Variants in KIAA0825 observed in about 807,000 individuals in gnomAD.
The protein encoded by KIAA0825 is KIAA0825.
In KIAA0825, 119 loss-of-function variants were observed where a neutral mutation model predicts 147.6. The observed-to-expected ratio is 0.81, with a 90% confidence interval of 0.69 to 0.94. The LOEUF (loss-of-function observed/expected upper bound fraction) is 0.94. KIAA0825 is among the 40% of genes least tolerant of loss of function. The pLI, the probability that KIAA0825 is intolerant of heterozygous loss-of-function variation, is 0.00. For missense variants in KIAA0825, 1,381 were observed against 1,472.7 expected (o/e 0.94, Z 1.02); for synonymous variants, 470 against 518.1 (o/e 0.91, Z 1.26).
chr5:94,488,904 C>T (rs560549207), intron 5 of KIAA0825, among the ~76,000 whole-genome samples: 7 of 152,156 alleles, frequency 4.6e-5, no homozygotes, highest in South Asian at 2.1e-4. Flanking sequence ...GTTTCTCAAA[C>T]GTTTTCGAGC....
chr5:94,475,800 C>G (rs567917183), intron 7 of KIAA0825, among the ~76,000 whole-genome samples: 1 of 152,090 alleles, frequency 6.6e-6, no homozygotes, highest in South Asian at 2.1e-4. Flanking sequence ...CAGAGTGATA[C>G]TATGTCTCAA....
chr5:94,579,320 AG>A (rs1206716548), intron 2 of KIAA0825, among the ~76,000 whole-genome samples: 2 of 152,236 alleles, frequency 1.3e-5, no homozygotes, highest in Non-Finnish European at 2.9e-5. Context: ...AGAACATTAA[AG>A]GGTTGTTACC....
At position 94,527,734 on chromosome 5, in the gene KIAA0825, G is replaced by A. The variant is rs979312213; in HGVS notation, c.132-3636C>T. ...TTCTGTTACATTTCTGTTCATTTCC[G>A]TGCTTTTTGTGTTCGAAAGGACAAA... On this transcript the variant is annotated intron_variant, in intron 3 of 20. Transcript: ENST00000682413. Among the ~76,000 whole-genome samples the A allele has an allele frequency of 5.3e-5, 8 of 151,794 alleles. No homozygotes were observed. The East Asian group carries it at 5.8e-4, about 11-fold the overall frequency.
At chr5:94,588,703 A>G (rs1783783321) in intron 1 of KIAA0825, among the ~76,000 whole-genome samples, 1 of 152,192 alleles carries the variant, frequency 6.6e-6, no homozygotes, top group Admixed American at 6.5e-5. Context: ...TACCCAAAGG[A>G]TTATAAATCA....
intron 5 of KIAA0825, among the ~76,000 whole-genome samples, chr5:94,515,687 G>A (rs1767114033): frequency 2.6e-5 from 4 of 151,650 alleles, no homozygotes. Flanking sequence ...AGCTACTTGG[G>A]AGACTGAGGC....
At chr5:94,494,343 G>A (rs892648414) in intron 5 of KIAA0825, among the ~76,000 whole-genome samples, 2 of 105,960 alleles carry the variant, frequency 1.9e-5, no homozygotes, top group African/African-American at 8.1e-5. Context: ...TTTTTTGACT[G>A]AGAACATGAG....
intron 16 of KIAA0825, among the ~76,000 whole-genome samples, chr5:94,399,952 T>C (rs1476881913): frequency 1.3e-5 from 2 of 152,110 alleles, no homozygotes; most frequent in Non-Finnish European, 2.9e-5. Context: ...TATTATTTTT[T>C]AAATCTGAGC....
At chr5:94,604,201 CA>C (rs1170797462) in intron 1 of KIAA0825, among the ~76,000 whole-genome samples, 2 of 151,626 alleles carry the variant, frequency 1.3e-5, no homozygotes, top group Admixed American at 1.3e-4. Context: ...TCAGTGAATG[CA>C]AAAAAAATTG....
intron 20 of KIAA0825, among the ~76,000 whole-genome samples, chr5:94,319,162 A>G (rs1779932526): frequency 6.6e-6 from 1 of 151,816 alleles, no homozygotes; most frequent in Admixed American, 6.6e-5. Context: ...CTCAAAGGAG[A>G]CAAATAGTGT....
intron 20 of KIAA0825, among the ~76,000 whole-genome samples, chr5:94,180,445 G>A (rs1262518846): frequency 6.6e-6 from 1 of 152,068 alleles, no homozygotes; most frequent in African/African-American, 2.4e-5. Flanking sequence ...GATGATAATA[G>A]AAAATTGGTG....
At chr5:94,358,871 T>C (rs1744680283) in intron 20 of KIAA0825, among the ~76,000 whole-genome samples, 1 of 152,226 alleles carries the variant, frequency 6.6e-6, no homozygotes, top group Admixed American at 6.5e-5. Context: ...TTTTCTTTAT[T>C]CTATCATGGC....
intron 13 of KIAA0825, among the ~76,000 whole-genome samples, chr5:94,443,027 A>T (rs1174157796): frequency 6.6e-6 from 1 of 152,106 alleles, no homozygotes; most frequent in Non-Finnish European, 1.5e-5. Flanking sequence ...ATGTCACTTT[A>T]TGCCGCTGTA....
At chr5:94,303,412 AG>A (rs139572315) in intron 20 of KIAA0825, among the ~76,000 whole-genome samples, 30,905 of 151,908 alleles carry the variant, frequency 0.2, 3,572 homozygotes, top group Non-Finnish European at 0.25. Flanking sequence ...GCAATGAAAA[AG>A]AAACAAACCA....
At chr5:94,459,929 G>T (rs1484531606) in intron 12 of KIAA0825, among the ~76,000 whole-genome samples, 1 of 152,034 alleles carries the variant, frequency 6.6e-6, no homozygotes, top group African/African-American at 2.4e-5. Context: ...AATATCATCA[G>T]CTTTTCTTAA....
intron 16 of KIAA0825, among the ~76,000 whole-genome samples, chr5:94,398,610 A>G (rs951464313): frequency 6.6e-6 from 1 of 152,064 alleles, no homozygotes; most frequent in Non-Finnish European, 1.5e-5. Flanking sequence ...TTTTTGTATT[A>G]TCATCTATTA....
chr5:94,339,222 G>T lies in KIAA0825; in HGVS notation c.3710+45146C>A, dbSNP rs1346838344. On this transcript the variant is annotated intron_variant, in intron 20 of 20. Coordinates refer to ENST00000682413, the MANE Select transcript of KIAA0825 (RefSeq NM_001145678.3). The stretch of plus-strand genomic sequence containing the variant: ...AGCTAGAGGATTCTATTAACTAGGG[G>T]GTAGTATACTAATCACTAAAAATGA... Among the ~76,000 whole-genome samples, 3 of 152,028 alleles carry T rather than the reference G, an allele frequency of 2.0e-5. No individual in the cohort carries two copies. The East Asian group carries it at 5.8e-4, about 29-fold the overall frequency.
intron 2 of KIAA0825, chr5:94,569,469 T>C (rs1439914167): frequency 2.4e-6 from 1 of 410,530 alleles, no homozygotes; most frequent in African/African-American, 2.1e-5. Flanking sequence ...TATGTCATTA[T>C]TCTCGCACGG....
chr5:94,404,262 T>G (rs1234024537), intron 15 of KIAA0825, among the ~76,000 whole-genome samples: 2 of 152,184 alleles, frequency 1.3e-5, no homozygotes, highest in Non-Finnish European at 2.9e-5. Context: ...TTTCTGTCTA[T>G]ACAATAAAGC....
chr5:94,542,109 A>T (rs1773444186), intron 2 of KIAA0825, among the ~76,000 whole-genome samples: 1 of 152,150 alleles, frequency 6.6e-6, no homozygotes, highest in Admixed American at 6.5e-5. Flanking sequence ...GTGATTTATG[A>T]TCAACTATAC....
Sources: gnomAD v4.1 joint callset for allele counts (sites outside exome capture counted in the v4.1 genomes callset) on GRCh38, gnomAD v4.1.1 for gene constraint, MANE v1.5 for transcripts, NCBI Gene and HGNC (gene_info 2026-07-23, HGNC 2026-07-21) for gene names.